Variants in PRKG1 observed in about 807,000 individuals in gnomAD.
PRKG1 encodes the protein protein kinase cGMP-dependent 1, also known as cGMP-dependent protein kinase 1.
In PRKG1, 35 loss-of-function variants were observed where a neutral mutation model predicts 88.1. The ratio of observed to expected loss-of-function variants is 0.40; its 90% CI spans 0.30 to 0.53. PRKG1 has a LOEUF of 0.53. Among genes scored for constraint, PRKG1 ranks in the 20% least tolerant of loss-of-function variants. The pLI is 0.59. For missense variants in PRKG1, 540 were observed against 839.8 expected, an observed-to-expected ratio of 0.64 and a Z score of 4.41; for synonymous variants, 303 against 292.5, an observed-to-expected ratio of 1.04 and a Z score of -0.37.
At chr10:51,889,469 T>C (rs1314015041) in intron 4 of PRKG1, among the ~76,000 whole-genome samples, 1 of 152,082 alleles carries the variant, frequency 6.6e-6, no homozygotes, top group East Asian at 1.9e-4. Context: ...TTGATGGACA[T>C]TTGAGTTGGT....
chr10:51,523,000 A>C (rs973166289), intron 3 of PRKG1, among the ~76,000 whole-genome samples: 7 of 152,216 alleles, frequency 4.6e-5, no homozygotes, highest in Admixed American at 1.3e-4. Context: ...TATTCAAAAC[A>C]ATGTCCTTAT....
At chr10:51,277,735 C>A (rs1840166810) in intron 2 of PRKG1, among the ~76,000 whole-genome samples, 1 of 152,176 alleles carries the variant, frequency 6.6e-6, no homozygotes, top group Admixed American at 6.5e-5. Flanking sequence ...AATGGGAGTT[C>A]ACTCAAGATT....
intron 4 of PRKG1, among the ~76,000 whole-genome samples, chr10:51,830,915 A>G (rs1000994011): frequency 6.6e-5 from 10 of 151,950 alleles, no homozygotes; most frequent in Admixed American, 6.6e-4. Flanking sequence ...TTCAACTGTG[A>G]GATCATACGC....
chr10:51,694,666 CCT>C, intron 3 of PRKG1, among the ~76,000 whole-genome samples: 1 of 152,238 alleles, frequency 6.6e-6, no homozygotes, highest in South Asian at 2.1e-4. Flanking sequence ...ACTGTTTCAC[CCT>C]GTCATCTTCA....
chr10:51,599,335 A>G (rs1056470049), intron 3 of PRKG1, among the ~76,000 whole-genome samples: 2 of 152,300 alleles, frequency 1.3e-5, no homozygotes, highest in African/African-American at 4.8e-5. Flanking sequence ...CCCTTACAAC[A>G]AAGAATTGAC....
chr10:51,446,095 T>G (rs972885437), intron 2 of PRKG1, among the ~76,000 whole-genome samples: 8 of 151,964 alleles, frequency 5.3e-5, no homozygotes, highest in African/African-American at 1.7e-4. Context: ...CTGCAACTTT[T>G]TTCTCATTTA....
intron 1 of PRKG1, among the ~76,000 whole-genome samples, chr10:51,141,554 T>C (rs1845820106): frequency 6.6e-6 from 1 of 152,238 alleles, no homozygotes; most frequent in African/African-American, 2.4e-5. Context: ...TGGCTGATTT[T>C]GAAGCTAGAA....
At chr10:51,224,605 T>C (rs1473052574) in intron 2 of PRKG1, among the ~76,000 whole-genome samples, 1 of 152,198 alleles carries the variant, frequency 6.6e-6, no homozygotes, top group Non-Finnish European at 1.5e-5. Flanking sequence ...TCCTACAGTA[T>C]ATCCTGTTGT....
intron 5 of PRKG1, among the ~76,000 whole-genome samples, chr10:51,968,788 A>C (rs1308674524): frequency 2.0e-5 from 3 of 148,872 alleles, no homozygotes; most frequent in Non-Finnish European, 4.4e-5. Context: ...ATGCCACTGC[A>C]CTCCAGCCTG....
chr10:52,264,099 A>T (rs1186127394), intron 10 of PRKG1, among the ~76,000 whole-genome samples: 1 of 150,816 alleles, frequency 6.6e-6, no homozygotes, highest in Admixed American at 6.7e-5. Context: ...ATTATACTCC[A>T]CTGCTGCAGA....
At chr10:51,345,814 C>T (rs1842101409) in intron 2 of PRKG1, among the ~76,000 whole-genome samples, 1 of 152,134 alleles carries the variant, frequency 6.6e-6, no homozygotes, top group South Asian at 2.1e-4. Context: ...TGAAAGTAAG[C>T]AATTATGGTA....
At chr10:51,402,108 A>T (rs1459361473) in intron 2 of PRKG1, among the ~76,000 whole-genome samples, 5 of 152,246 alleles carry the variant, frequency 3.3e-5, no homozygotes, top group Non-Finnish European at 7.3e-5. Context: ...ATACAAATAT[A>T]CTAGTACTGA....
chr10:51,164,941 C>G (rs138243283), intron 2 of PRKG1, among the ~76,000 whole-genome samples: 2 of 152,096 alleles, frequency 1.3e-5, no homozygotes, highest in Non-Finnish European at 1.5e-5. Context: ...CTGAAATTGA[C>G]GGGGAAAATG....
At chr10:51,537,567 A>G (rs1332349030) in intron 3 of PRKG1, among the ~76,000 whole-genome samples, 2 of 151,920 alleles carry the variant, frequency 1.3e-5, no homozygotes, top group African/African-American at 4.8e-5. Context: ...CGTCTCTGCT[A>G]AAAATACAAA....
chr10:51,586,175 T>C (rs1838167690), intron 3 of PRKG1, among the ~76,000 whole-genome samples: 1 of 152,190 alleles, frequency 6.6e-6, no homozygotes, highest in Non-Finnish European at 1.5e-5. Flanking sequence ...AGACAGGTGA[T>C]GTTGGCATTG....
At chr10:52,190,587 A>T (rs906381974) in intron 9 of PRKG1, among the ~76,000 whole-genome samples, 2 of 152,146 alleles carry the variant, frequency 1.3e-5, no homozygotes, top group Non-Finnish European at 2.9e-5. Flanking sequence ...TCAGAAATTG[A>T]GGCCTATGGA....
intron 3 of PRKG1, among the ~76,000 whole-genome samples, chr10:51,509,350 T>C (rs1449382568): frequency 6.6e-6 from 1 of 152,170 alleles, no homozygotes; most frequent in Non-Finnish European, 1.5e-5. Context: ...GGAATCATCA[T>C]GGTAAATATC....
intron 3 of PRKG1, among the ~76,000 whole-genome samples, chr10:51,491,600 A>G (rs1361091422): frequency 6.6e-6 from 1 of 152,092 alleles, no homozygotes; most frequent in East Asian, 1.9e-4. Context: ...ATCTCCATAT[A>G]CTCAGTACTT....
At chr10:52,206,620 C>A (rs936757210) in intron 9 of PRKG1, among the ~76,000 whole-genome samples, 1 of 152,080 alleles carries the variant, frequency 6.6e-6, no homozygotes, top group Non-Finnish European at 1.5e-5. Flanking sequence ...CAAACCCTGG[C>A]ATTTAATCGT....
Sources: allele counts gnomAD v4.1 joint callset (sites outside exome capture counted in the v4.1 genomes callset), GRCh38; gene constraint gnomAD v4.1.1; transcripts MANE v1.5; gene names NCBI Gene and HGNC (gene_info 2026-07-23, HGNC 2026-07-21).